Variants in NCF2 observed in about 807,000 individuals in gnomAD.
NCF2 encodes neutrophil cytosol factor 2.
NCF2 carries 45 observed loss-of-function variants against 70.9 expected under a neutral mutation model. The ratio of observed to expected loss-of-function variants is 0.63; its 90% CI spans 0.50 to 0.81. The LOEUF is 0.81. NCF2 is among the 40% of genes least tolerant of loss of function. The pLI is 0.00. For missense variants in NCF2, 522 were observed against 631.6 expected (o/e 0.83, Z 1.86); for synonymous variants, 203 against 233.6 (o/e 0.87, Z 1.19).
chr1:183,574,544 C>T lies in NCF2; in HGVS notation c.444G>A (p.Thr148=), dbSNP rs757064950. ...KKAEEQLALA[T]SMKSEPRHSK... is the part of the protein sequence containing the mutation. ...AATGTCTGGGCTCAGACTTCATGCT[C>T]GTGGCCAATGCTAACTGTTCTTCAG... The change falls in exon 4 of 15, where the codon ACG becomes ACA. Residue 148 remains threonine (T), a synonymous_variant. Coordinates refer to ENST00000367535, the MANE Select transcript of NCF2 (RefSeq NM_000433.4). 17 of 1,614,126 alleles carry T rather than the reference C, an allele frequency of 1.1e-5. No homozygotes were observed. In the East Asian group the frequency reaches 2.0e-4, roughly 19 times the overall value.
chr1:183,563,336 T>A, intron 12 of NCF2, 30 bp from the exon 13 acceptor site: 1 of 1,613,720 alleles, frequency 6.2e-7, no homozygotes, highest in Non-Finnish European at 8.5e-7. Flanking sequence ...AAGAATCCAG[T>A]CAAAGAACAT....
At chr1:183,593,519 G>A (rs1673722524), upstream of NCF2, among the ~76,000 whole-genome samples, 1 of 151,934 alleles carries the variant, frequency 6.6e-6, no homozygotes, top group Non-Finnish European at 1.5e-5. Context: ...AGCTACACAG[G>A]CCTCCTTTCA....
intron 7 of NCF2, among the ~76,000 whole-genome samples, chr1:183,568,812 C>T (rs995291420): frequency 6.6e-6 from 1 of 151,964 alleles, no homozygotes; most frequent in African/African-American, 2.4e-5. Context: ...ACCACTGCCC[C>T]TCAGCAACAA....
chr1:183,569,628 G>A (rs763969597), intron 6 of NCF2, among the ~76,000 whole-genome samples: 13 of 151,938 alleles, frequency 8.6e-5, no homozygotes, highest in South Asian at 2.1e-4. Flanking sequence ...TCACTCTGTC[G>A]CCCAGGCTGG....
intron 3 of NCF2, 139 bp downstream of exon 3, chr1:183,577,460 A>G: frequency 1.4e-6 from 1 of 712,504 alleles, no homozygotes; most frequent in Non-Finnish European, 2.6e-6. Context: ...TTCAAGGAAA[A>G]TCTGAGTCTC....
chr1:183,575,287 T>A (rs528730616), intron 3 of NCF2, among the ~76,000 whole-genome samples: 20 of 152,166 alleles, frequency 1.3e-4, no homozygotes, highest in Admixed American at 7.2e-4. Flanking sequence ...CTGGCCAACA[T>A]GGAGAAACCC....
chr1:183,558,824 A>C (rs1671909699), intron 14 of NCF2, among the ~76,000 whole-genome samples: 1 of 150,866 alleles, frequency 6.6e-6, no homozygotes. Context: ...TCAGCCTCCC[A>C]AAGTGCTGGG....
chr1:183,569,249 C>T, intron 6 of NCF2, 64 bp from the exon 7 acceptor site: 1 of 1,412,322 alleles, frequency 7.1e-7, no homozygotes, highest in East Asian at 2.3e-5. Flanking sequence ...GGAGAGACAA[C>T]AAACGGCTAA....
chr1:183,599,298 T>G, the NCF2 span, among the ~76,000 whole-genome samples: 3 of 152,168 alleles, frequency 2.0e-5, no homozygotes, highest in Non-Finnish European at 4.4e-5. Flanking sequence ...GGAGGATTGC[T>G]TGAGCCCAGG....
chr1:183,581,609 G>C (rs1673081344), intron 2 of NCF2, among the ~76,000 whole-genome samples: 1 of 151,758 alleles, frequency 6.6e-6, no homozygotes, highest in Non-Finnish European at 1.5e-5. Flanking sequence ...GACTGCAACT[G>C]TGAGCCACTG....
chr1:183,558,338 G>C (rs1042867751), intron 14 of NCF2, among the ~76,000 whole-genome samples: 1 of 151,084 alleles, frequency 6.6e-6, no homozygotes, highest in Non-Finnish European at 1.5e-5. Flanking sequence ...CACAATCTCA[G>C]CTCACTGCAA....
chr1:183,569,024 C>T (rs987122687), intron 7 of NCF2, 118 bp downstream of exon 7: 3 of 955,934 alleles, frequency 3.1e-6, no homozygotes, highest in Non-Finnish European at 1.7e-6. Flanking sequence ...CCTGACATTC[C>T]AGAAAATTCA....
chr1:183,587,548 G>C (rs562194389), intron 1 of NCF2, among the ~76,000 whole-genome samples: 1 of 134,962 alleles, frequency 7.4e-6, no homozygotes, highest in South Asian at 2.4e-4. Context: ...GAGCTGTGAC[G>C]GCACCACTGC....
chr1:183,590,157 T>C lies in NCF2; in HGVS notation c.173A>G (p.Lys58Arg). 3 of 1,614,200 alleles carry C rather than the reference T, an allele frequency of 1.9e-6. No individual in the cohort carries two copies. Among genetic ancestry groups the C allele is most frequent in the African/African-American group, 1.3e-5 (1 of 75,058 alleles). The change falls in exon 1 of 15, where the codon AAG (lysine) becomes AGG (arginine). Residue 58 changes from lysine to arginine, a missense_variant and splice_region_variant. Transcript: ENST00000367535. ...CCGGAAAGAGGCACCTCCACTCACC[T>C]TCTCTGCTTCAGTCATGTTCTTCAG... ...TILKNMTEAE[K>R]AFTRSINRDK...
At chr1:183,562,756 C>T (rs1672120988) in intron 13 of NCF2, among the ~76,000 whole-genome samples, 1 of 149,970 alleles carries the variant, frequency 6.7e-6, no homozygotes, top group Non-Finnish European at 1.5e-5. Context: ...TTTCTTGAAC[C>T]TGGGCGGCAG....
At chr1:183,567,849 G>A (rs866204452) in intron 7 of NCF2, among the ~76,000 whole-genome samples, 52 of 152,090 alleles carry the variant, frequency 3.4e-4, no homozygotes, top group African/African-American at 1.1e-3. Flanking sequence ...GACAGGGAGC[G>A]TGAGGGATGC....
chr1:183,590,432 T>C lies in NCF2; in HGVS notation c.-103A>G, dbSNP rs1467696727. 7.5e-7 allele frequency: 1 copy of C among 1,328,074 alleles called. No homozygotes were observed. Among genetic ancestry groups the C allele is most frequent in the South Asian group, 1.2e-5 (1 of 82,790 alleles). The allele number at this position is 1,328,074 out of a possible 1,614,324, so 82.3% of individuals were successfully genotyped here. On this transcript the variant is annotated 5_prime_UTR_variant, in exon 1 of 15. Coordinates refer to ENST00000367535, the MANE Select transcript of NCF2 (RefSeq NM_000433.4). ...GGCTGCCTTAGTGGCCCCCAAGGTG[T>C]TCACTTTCTGGGCCAGATGAGTAGA...
At chr1:183,562,239 TA>T (rs1014470285) in intron 13 of NCF2, among the ~76,000 whole-genome samples, 13 of 151,890 alleles carry the variant, frequency 8.6e-5, no homozygotes, top group African/African-American at 3.1e-4. Context: ...AAATTTTAAT[TA>T]AAAAAAAGTT....
the NCF2 span, among the ~76,000 whole-genome samples, chr1:183,599,450 C>CT: frequency 1.1e-5 from 1 of 91,280 alleles, no homozygotes; most frequent in Admixed American, 1.1e-4. Context: ...TTCTTTCTTT[C>CT]TTTCTTTCTT....
Sources: allele counts gnomAD v4.1 joint callset (sites outside exome capture counted in the v4.1 genomes callset), GRCh38; gene constraint gnomAD v4.1.1; transcripts MANE v1.5; gene names NCBI Gene and HGNC (gene_info 2026-07-23, HGNC 2026-07-21).